OSBPL10: variants seen among roughly 807,000 people sequenced by gnomAD.
OSBPL10 encodes the protein oxysterol binding protein like 10.
A neutral mutation model predicts 81.7 loss-of-function variants in OSBPL10; 49 were observed. The ratio of observed to expected loss-of-function variants is 0.60; its 90% CI spans 0.48 to 0.76. OSBPL10 has a LOEUF of 0.76. OSBPL10 is among the 30% of genes least tolerant of loss of function. The pLI is 0.00. For synonymous variants in OSBPL10, 419 were observed against 383.6 expected (o/e 1.09, Z -1.08); for missense variants, 923 against 987.8 (o/e 0.93, Z 0.88).
At chr3:31,759,104 G>A (rs77454897) in intron 4 of OSBPL10, among the ~76,000 whole-genome samples, 2,962 of 151,688 alleles carry the variant, frequency 0.02, 49 homozygotes, top group Non-Finnish European at 0.026. Context: ...CCATTTGTCA[G>A]AATTGAATAA....
intron 1 of OSBPL10, among the ~76,000 whole-genome samples, chr3:31,882,917 A>G (rs1695626834): frequency 6.6e-6 from 1 of 152,208 alleles, no homozygotes; most frequent in Non-Finnish European, 1.5e-5. Context: ...CTTCTACTTG[A>G]AATTTGCCCC....
intron 3 of OSBPL10, 123 bp from the exon 4 acceptor site, chr3:31,830,354 T>G (rs961876095): frequency 1.3e-5 from 13 of 1,004,730 alleles, no homozygotes; most frequent in Non-Finnish European, 1.9e-5. Context: ...GCTGAAGGTA[T>G]GAAGGAGGTA....
chr3:31,853,860 G>C (rs1262750974), intron 3 of OSBPL10, among the ~76,000 whole-genome samples: 2 of 152,166 alleles, frequency 1.3e-5, no homozygotes, highest in African/African-American at 2.4e-5. Context: ...GCAAGGCCTG[G>C]CTCCAAAATG....
At chr3:32,038,226 C>T (rs1342163189) in intron 2 of OSBPL10, among the ~76,000 whole-genome samples, 1 of 152,148 alleles carries the variant, frequency 6.6e-6, no homozygotes, top group Non-Finnish European at 1.5e-5. Flanking sequence ...CACAGGCGAG[C>T]CCCAAAAACA....
chr3:31,836,382 CTA>C (rs984498100), intron 3 of OSBPL10, among the ~76,000 whole-genome samples: 1 of 152,198 alleles, frequency 6.6e-6, no homozygotes, highest in Non-Finnish European at 1.5e-5. Flanking sequence ...TGTCCTGAAT[CTA>C]TGAGTATGCA....
chr3:31,703,389 T>C (rs1039075020), intron 6 of OSBPL10, among the ~76,000 whole-genome samples: 1 of 152,216 alleles, frequency 6.6e-6, no homozygotes, highest in Non-Finnish European at 1.5e-5. Flanking sequence ...CACAGAACAT[T>C]ATACATTTCT....
intron 2 of OSBPL10, among the ~76,000 whole-genome samples, chr3:32,034,043 G>C (rs1301442670): frequency 6.6e-6 from 1 of 152,136 alleles, no homozygotes; most frequent in Non-Finnish European, 1.5e-5. Flanking sequence ...ATTCTTCACA[G>C]GGCAGAAGGA....
intron 1 of OSBPL10, among the ~76,000 whole-genome samples, chr3:31,913,203 G>A (rs375052738): frequency 6.6e-6 from 1 of 151,636 alleles, no homozygotes; most frequent in East Asian, 1.9e-4. Flanking sequence ...GAGTCAGAAA[G>A]TGTAAATGGA....
intron 1 of OSBPL10, among the ~76,000 whole-genome samples, chr3:31,910,331 T>C (rs1177425461): frequency 6.6e-6 from 1 of 151,794 alleles, no homozygotes; most frequent in Non-Finnish European, 1.5e-5. Context: ...GGACAACCTA[T>C]TGGCAGAATT....
At chr3:31,900,027 T>TG (rs1696187083) in intron 1 of OSBPL10, among the ~76,000 whole-genome samples, 1 of 142,146 alleles carries the variant, frequency 7.0e-6, no homozygotes, top group African/African-American at 2.6e-5. Context: ...AAATAAAACT[T>TG]TTTTTTTTTT....
intron 4 of OSBPL10, among the ~76,000 whole-genome samples, chr3:31,785,636 GT>G (rs200858175): frequency 6.6e-6 from 1 of 151,452 alleles, no homozygotes; most frequent in African/African-American, 2.4e-5. Flanking sequence ...TCTCTGAGCC[GT>G]TTTTTTTTCT....
intron 8 of OSBPL10, 28 bp from the exon 9 acceptor site, chr3:31,671,011 G>T: frequency 6.3e-7 from 1 of 1,577,658 alleles, no homozygotes; most frequent in South Asian, 1.2e-5. Context: ...GGAGAGTTAG[G>T]CATGCAAACA....
At chr3:31,860,766 C>T (rs1701038401) in intron 3 of OSBPL10, among the ~76,000 whole-genome samples, 1 of 152,054 alleles carries the variant, frequency 6.6e-6, no homozygotes, top group Non-Finnish European at 1.5e-5. Context: ...GCCTCCGTCT[C>T]CTGGGTTCAA....
At chr3:31,719,032 A>G (rs1696549526) in intron 6 of OSBPL10, 2 of 152,214 alleles carry the variant, frequency 1.3e-5, no homozygotes, top group Admixed American at 1.3e-4. Flanking sequence ...CAGTTAGTGT[A>G]CATTCCCATA....
At chr3:32,024,442 A>G (rs1300686149) in intron 2 of OSBPL10, among the ~76,000 whole-genome samples, 1 of 150,488 alleles carries the variant, frequency 6.6e-6, no homozygotes, top group South Asian at 2.1e-4. Flanking sequence ...ATTTTTTCCT[A>G]AGTATTTTGT....
At chr3:31,898,271 A>G (rs1288552627) in intron 1 of OSBPL10, among the ~76,000 whole-genome samples, 1 of 152,128 alleles carries the variant, frequency 6.6e-6, no homozygotes, top group African/African-American at 2.4e-5. Context: ...CTAGGAGTAA[A>G]TTTCAAATGC....
chr3:31,794,127 C>T (rs1013564355), intron 4 of OSBPL10, among the ~76,000 whole-genome samples: 2 of 152,162 alleles, frequency 1.3e-5, no homozygotes, highest in African/African-American at 4.8e-5. Flanking sequence ...CAGCTCCCGA[C>T]CCCACTTTCC....
At chr3:31,782,181 TC>T (rs2125771549) in intron 4 of OSBPL10, among the ~76,000 whole-genome samples, 1 of 151,726 alleles carries the variant, frequency 6.6e-6, no homozygotes, top group East Asian at 1.9e-4. Context: ...CAAAACAAAA[TC>T]AAAATGGGAT....
At chr3:31,962,332 A>T (rs576322615) in intron 1 of OSBPL10, among the ~76,000 whole-genome samples, 2 of 152,342 alleles carry the variant, frequency 1.3e-5, no homozygotes, top group Admixed American at 6.5e-5. Context: ...TGTTGAATAA[A>T]TGATTTTCTA....
Sources: gnomAD v4.1 joint callset for allele counts (sites outside exome capture counted in the v4.1 genomes callset) on GRCh38, gnomAD v4.1.1 for gene constraint, MANE v1.5 for transcripts, NCBI Gene and HGNC (gene_info 2026-07-23, HGNC 2026-07-21) for gene names.